The following ADAMTSL1 variants were observed in gnomAD, a reference collection of about 807,000 sequenced individuals.
ADAMTSL1 encodes ADAMTS-like protein 1.
A neutral mutation model predicts 201.8 loss-of-function variants in ADAMTSL1; 126 were observed. The ratio of observed to expected loss-of-function variants is 0.62; its 90% CI spans 0.54 to 0.72. The LOEUF is 0.72. Ranked by LOEUF, ADAMTSL1 falls within the 30% of genes least tolerant of loss-of-function variation. The probability of loss-of-function intolerance (pLI) is 0.00; values close to 1 mark genes in which losing one functional copy is unlikely to be tolerated. For synonymous variants in ADAMTSL1, 1,121 were observed against 903.4 expected (o/e 1.24, Z -4.32); for missense variants, 2,679 against 2,277.8 (o/e 1.18, Z -3.59).
chr9:18,174,254 C>T (rs953140647), intron 2 of ADAMTSL1, among the ~76,000 whole-genome samples: 20 of 152,162 alleles, frequency 1.3e-4, no homozygotes, highest in Admixed American at 1.3e-3. Context: ...AATGCTGAAG[C>T]TATCAACCCG....
intron 23 of ADAMTSL1, among the ~76,000 whole-genome samples, chr9:18,864,743 A>G (rs1178814970): frequency 1.3e-5 from 2 of 152,260 alleles, no homozygotes; most frequent in Non-Finnish European, 2.9e-5. Context: ...ACAAACATGC[A>G]GAAAGTCAGT....
Position 18,007,033 on chromosome 9 carries a change from A to G in ADAMTSL1, c.87+100111A>G, listed in dbSNP as rs1018615232. Among the ~76,000 whole-genome samples the G allele has an allele frequency of 3.3e-5, 5 of 152,172 alleles. No homozygotes were observed. In the South Asian group the frequency reaches 6.2e-4, roughly 19 times the overall value. On this transcript the variant is annotated intron_variant, in intron 1 of 29. Coordinates refer to the ADAMTSL1 transcript ENST00000680146. ...TAGAAAAAAAGAAATAAAAACAGAG[A>G]AATTCCCCATTTTCAAATGTTTAAA...
At chr9:18,569,460 A>T (rs1822158045) in intron 3 of ADAMTSL1, among the ~76,000 whole-genome samples, 1 of 152,224 alleles carries the variant, frequency 6.6e-6, no homozygotes, top group African/African-American at 2.4e-5. Flanking sequence ...GCCTTAGCCC[A>T]GTAACATGAC....
chr9:18,611,726 T>G (rs950281784), intron 4 of ADAMTSL1, among the ~76,000 whole-genome samples: 3 of 152,196 alleles, frequency 2.0e-5, no homozygotes, highest in Non-Finnish European at 2.9e-5. Context: ...AAAAATTATT[T>G]AAAATGTTTG....
chr9:17,906,725 G>T (rs914955010), exon 1 of ADAMTSL1: 3 of 152,900 alleles, frequency 2.0e-5, no homozygotes, highest in African/African-American at 7.2e-5. Flanking sequence ...GCACGCCCGA[G>T]CCCGCCTGCC....
At chr9:18,074,795 T>C (rs2131746159) in intron 1 of ADAMTSL1, among the ~76,000 whole-genome samples, 1 of 152,172 alleles carries the variant, frequency 6.6e-6, no homozygotes, top group East Asian at 1.9e-4. Context: ...TACACCATGT[T>C]GGCCAGGCTT....
chr9:18,783,129 T>C (rs1485759102), intron 19 of ADAMTSL1, among the ~76,000 whole-genome samples: 1 of 152,200 alleles, frequency 6.6e-6, no homozygotes, highest in East Asian at 1.9e-4. Context: ...CAGTAGCCCC[T>C]ACAACACTAT....
At chr9:18,114,623 A>G (rs1229323566) in intron 1 of ADAMTSL1, among the ~76,000 whole-genome samples, 2 of 152,192 alleles carry the variant, frequency 1.3e-5, no homozygotes, top group Non-Finnish European at 2.9e-5. Flanking sequence ...TTGCTCATAT[A>G]TGAAGAAAAA....
intron 1 of ADAMTSL1, among the ~76,000 whole-genome samples, chr9:18,142,228 C>G (rs2132009779): frequency 6.6e-6 from 1 of 152,176 alleles, no homozygotes; most frequent in African/African-American, 2.4e-5. Context: ...TTCTGTTGTT[C>G]CATGCTCCAC....
Position 18,334,206 on chromosome 9 carries a change from G to A in ADAMTSL1, c.207+170225G>A, listed in dbSNP as rs188502483. Among the ~76,000 whole-genome samples, 20 of 152,200 alleles carry A rather than the reference G, an allele frequency of 1.3e-4. No homozygotes were observed. The East Asian group carries it at 3.1e-3, about 24-fold the overall frequency. On this transcript the variant is annotated intron_variant, in intron 2 of 29. Coordinates refer to the ADAMTSL1 transcript ENST00000680146. ...GGAGAAGTGTGTGCCTAAATGGTCTGCCTTTGGTCCCAGGAGTGCCATTTT... is the reference window on the plus strand; with the variant it reads ...GGAGAAGTGTGTGCCTAAATGGTCTACCTTTGGTCCCAGGAGTGCCATTTT...
intron 1 of ADAMTSL1, among the ~76,000 whole-genome samples, chr9:17,962,396 G>A (rs1479272762): frequency 1.3e-5 from 2 of 152,126 alleles, no homozygotes; most frequent in African/African-American, 4.8e-5. Flanking sequence ...AGTATCAAGC[G>A]TTATTATGTG....
chr9:18,683,232 T>TG (rs1314926203), intron 12 of ADAMTSL1, among the ~76,000 whole-genome samples: 3 of 150,250 alleles, frequency 2.0e-5, no homozygotes, highest in Admixed American at 6.6e-5. Context: ...TTTTTTTTGT[T>TG]TTTTTTTTTT....
intron 2 of ADAMTSL1, among the ~76,000 whole-genome samples, chr9:18,435,418 A>G: frequency 6.6e-6 from 1 of 152,308 alleles, no homozygotes; most frequent in South Asian, 2.1e-4. Flanking sequence ...TCTAATGGGG[A>G]AACCAGAATT....
chr9:18,308,509 A>T (rs1833995297), intron 2 of ADAMTSL1, among the ~76,000 whole-genome samples: 1 of 152,166 alleles, frequency 6.6e-6, no homozygotes, highest in Admixed American at 6.5e-5. Flanking sequence ...AGAGGATATC[A>T]CCACCGATCA....
chr9:18,720,578 G>A (rs1316238812), intron 14 of ADAMTSL1, among the ~76,000 whole-genome samples: 1 of 152,192 alleles, frequency 6.6e-6, no homozygotes, highest in Middle Eastern at 3.2e-3. Context: ...GAGGTCAGGA[G>A]TTCGAGACAG....
chr9:18,003,152 C>A (rs1819681792), intron 1 of ADAMTSL1, among the ~76,000 whole-genome samples: 1 of 151,960 alleles, frequency 6.6e-6, no homozygotes, highest in African/African-American at 2.4e-5. Flanking sequence ...ACTGTGGTAG[C>A]CTCTAGACCA....
At chr9:18,278,098 C>G (rs1445266786) in intron 2 of ADAMTSL1, among the ~76,000 whole-genome samples, 1 of 151,928 alleles carries the variant, frequency 6.6e-6, no homozygotes, top group Non-Finnish European at 1.5e-5. Flanking sequence ...CAATTTTCAT[C>G]TTTTATATAT....
intron 2 of ADAMTSL1, among the ~76,000 whole-genome samples, chr9:18,192,852 A>G (rs1829023607): frequency 6.6e-6 from 1 of 152,176 alleles, no homozygotes; most frequent in Admixed American, 6.6e-5. Flanking sequence ...TATTTATGCA[A>G]TATGCATTTA....
chr9:18,536,237 A>G (rs1371433125), intron 3 of ADAMTSL1, among the ~76,000 whole-genome samples: 1 of 152,174 alleles, frequency 6.6e-6, no homozygotes, highest in Non-Finnish European at 1.5e-5. Context: ...TAGGTGCTTG[A>G]TTTGGAAAAA....
Sources: gnomAD v4.1 joint callset for allele counts (sites outside exome capture counted in the v4.1 genomes callset) on GRCh38, gnomAD v4.1.1 for gene constraint, MANE v1.5 for transcripts, NCBI Gene and HGNC (gene_info 2026-07-23, HGNC 2026-07-21) for gene names.